The following CBLN2 variants were observed in gnomAD, a reference collection of about 807,000 sequenced individuals.
CBLN2 encodes cerebellin-2.
In CBLN2, 7 loss-of-function variants were observed where a neutral mutation model predicts 15.0. The observed-to-expected ratio is 0.47, with a 90% CI of 0.27 to 0.88. The LOEUF (loss-of-function observed/expected upper bound fraction) is 0.88. Among genes scored for constraint, CBLN2 ranks in the 40% least tolerant of loss-of-function variants. The pLI is 0.14. For synonymous variants in CBLN2, 149 were observed against 135.2 expected (o/e 1.10, Z -0.71); for missense variants, 242 against 304.5 (o/e 0.79, Z 1.53).
chr18:72,625,816 CTCTA>C (rs1364171339), intron 1 of CBLN2, among the ~76,000 whole-genome samples: 184 of 61,620 alleles, frequency 3.0e-3, no homozygotes, highest in African/African-American at 0.011. Context: ...CTCTCTCTCT[CTCTA>C]TATATATATA....
At chr18:72,586,489 G>A (rs1005809573) in intron 1 of CBLN2, among the ~76,000 whole-genome samples, 1 of 152,198 alleles carries the variant, frequency 6.6e-6, no homozygotes, top group Non-Finnish European at 1.5e-5. Flanking sequence ...ACAGTGGAAA[G>A]AACATAACTG....
intron 1 of CBLN2, among the ~76,000 whole-genome samples, chr18:72,615,950 ATG>A (rs2069658601): frequency 6.6e-6 from 1 of 152,184 alleles, no homozygotes. Context: ...TTCCTGCTCT[ATG>A]AATTAACCTT....
At chr18:72,570,681 C>A (rs2069326660) in intron 1 of CBLN2, among the ~76,000 whole-genome samples, 2 of 152,058 alleles carry the variant, frequency 1.3e-5, no homozygotes, top group African/African-American at 4.8e-5. Flanking sequence ...TGCAGGACAT[C>A]CAAGCATCAA....
intron 1 of CBLN2, among the ~76,000 whole-genome samples, chr18:72,575,820 G>GAA (rs56351064): frequency 4.0e-3 from 2 of 504 alleles, no homozygotes; most frequent in Non-Finnish European, 0.1. Flanking sequence ...CTGATTGGCT[G>GAA]AGTAATCATC....
chr18:72,636,182 C>G (rs933501062), intron 1 of CBLN2, among the ~76,000 whole-genome samples: 39 of 152,100 alleles, frequency 2.6e-4, no homozygotes, highest in African/African-American at 8.9e-4. Flanking sequence ...GGAACATTAT[C>G]TAAATAACAC....
At chr18:72,614,301 G>C (rs1318487298) in intron 1 of CBLN2, among the ~76,000 whole-genome samples, 1 of 152,042 alleles carries the variant, frequency 6.6e-6, no homozygotes, top group Non-Finnish European at 1.5e-5. Flanking sequence ...ATTAAAATAG[G>C]TAACACATCG....
At chr18:72,560,249 C>A (rs1178025854) in intron 1 of CBLN2, among the ~76,000 whole-genome samples, 3 of 152,196 alleles carry the variant, frequency 2.0e-5, no homozygotes, top group Admixed American at 6.5e-5. Context: ...AGATGCAGGC[C>A]AGTCATGGAC....
At chr18:72,575,898 AATAAAT>A (rs2069363413) in intron 1 of CBLN2, among the ~76,000 whole-genome samples, 1 of 152,158 alleles carries the variant, frequency 6.6e-6, no homozygotes, top group Non-Finnish European at 1.5e-5. Flanking sequence ...CTGGAGTAAA[AATAAAT>A]GAGGCAAGTC....
Position 72,571,183 on chromosome 18 carries a change from A to G in CBLN2, c.16-32411T>C, listed in dbSNP as rs548828498. On this transcript the variant is annotated intron_variant, in intron 1 of 2. Coordinates refer to the CBLN2 transcript ENST00000581073. Reference sequence around the variant, plus strand: ...AAGCATAATTTCAAGGATGTTGTTTATCTAAATTAATACTTACTTTAAAGT... The same window carrying G: ...AAGCATAATTTCAAGGATGTTGTTTGTCTAAATTAATACTTACTTTAAAGT... Among the ~76,000 whole-genome samples, 374 of 152,310 alleles carry G rather than the reference A, an allele frequency of 2.5e-3. 3 individuals are homozygous for G. Among genetic ancestry groups the G allele is most frequent in the African/African-American group, 6.9e-3 (288 of 41,582 alleles).
At chr18:72,582,265 T>C (rs2069410984) in intron 1 of CBLN2, among the ~76,000 whole-genome samples, 1 of 152,216 alleles carries the variant, frequency 6.6e-6, no homozygotes, top group Non-Finnish European at 1.5e-5. Context: ...TATAAAATAT[T>C]GTGAATGAAT....
At chr18:72,539,823 A>G (rs1161303204) in intron 3 of CBLN2, 1 of 152,184 alleles carries the variant, frequency 6.6e-6, no homozygotes, top group African/African-American at 2.4e-5. Context: ...GCCTTTTAAA[A>G]CAAACAGCCA....
At chr18:72,590,695 C>T (rs1270755542) in intron 1 of CBLN2, among the ~76,000 whole-genome samples, 3 of 152,034 alleles carry the variant, frequency 2.0e-5, no homozygotes, top group Admixed American at 6.6e-5. Context: ...CAAAAATATT[C>T]CTGCACATTT....
At chr18:72,602,905 G>T (rs1214530849) in intron 1 of CBLN2, among the ~76,000 whole-genome samples, 1 of 152,150 alleles carries the variant, frequency 6.6e-6, no homozygotes, top group African/African-American at 2.4e-5. Flanking sequence ...TACTGGCTTT[G>T]TTTCTCTGGT....
At chr18:72,547,882 C>T (rs887176420), upstream of CBLN2, among the ~76,000 whole-genome samples, 2 of 152,206 alleles carry the variant, frequency 1.3e-5, no homozygotes, top group Non-Finnish European at 2.9e-5. Context: ...TAAGCACATA[C>T]ATAACCATTT....
chr18:72,570,143 T>C (rs746309228), intron 1 of CBLN2, among the ~76,000 whole-genome samples: 1 of 152,226 alleles, frequency 6.6e-6, no homozygotes, highest in South Asian at 2.1e-4. Context: ...ATTTTGTGAA[T>C]GTATGGTCAC....
At chr18:72,562,633 A>C (rs966838182) in intron 1 of CBLN2, among the ~76,000 whole-genome samples, 1 of 152,180 alleles carries the variant, frequency 6.6e-6, no homozygotes, top group Admixed American at 6.5e-5. Context: ...TTTTACTTTT[A>C]TTTTAAACCC....
chr18:72,550,467 G>C (rs1475135377), intron 1 of CBLN2, among the ~76,000 whole-genome samples: 1 of 152,202 alleles, frequency 6.6e-6, no homozygotes, highest in East Asian at 1.9e-4. Context: ...GGTGGTGAGA[G>C]AGCTCAGTTT....
intron 1 of CBLN2, among the ~76,000 whole-genome samples, chr18:72,628,734 A>G (rs1486831947): frequency 6.6e-6 from 1 of 152,190 alleles, no homozygotes; most frequent in East Asian, 1.9e-4. Context: ...TTATGGACAA[A>G]TGTTTGATTT....
intron 1 of CBLN2, among the ~76,000 whole-genome samples, chr18:72,591,837 G>T (rs1036262705): frequency 6.6e-6 from 1 of 152,022 alleles, no homozygotes; most frequent in Non-Finnish European, 1.5e-5. Context: ...CTCATTCTTT[G>T]TTTATGGCAG....
Sources: gnomAD v4.1 joint callset for allele counts (sites outside exome capture counted in the v4.1 genomes callset) on GRCh38, gnomAD v4.1.1 for gene constraint, MANE v1.5 for transcripts, NCBI Gene and HGNC (gene_info 2026-07-23, HGNC 2026-07-21) for gene names.